MDFIC: variants seen among roughly 807,000 people sequenced by gnomAD.
The protein encoded by MDFIC is myoD family inhibitor domain-containing protein.
MDFIC carries 17 observed loss-of-function variants against 23.2 expected under a neutral mutation model. The ratio of observed to expected loss-of-function variants is 0.73; its 90% confidence interval spans 0.50 to 1.10. MDFIC has a LOEUF of 1.10. Among genes scored for constraint, MDFIC ranks in the 50% least tolerant of loss-of-function variants. The pLI is 0.00. For synonymous variants in MDFIC, 120 were observed against 115.2 expected, an observed-to-expected ratio of 1.04 and a Z score of -0.27; for missense variants, 356 against 316.6, an observed-to-expected ratio of 1.12 and a Z score of -0.95.
intron 3 of MDFIC, among the ~76,000 whole-genome samples, chr7:114,967,927 C>G (rs1793135460): frequency 6.7e-6 from 1 of 149,972 alleles, no homozygotes. Context: ...CTCCCAGTCT[C>G]AAGTGATTCT....
chr7:115,014,912 A>G (rs1791763791), intron 4 of MDFIC, among the ~76,000 whole-genome samples: 1 of 152,144 alleles, frequency 6.6e-6, no homozygotes, highest in African/African-American at 2.4e-5. Flanking sequence ...TTGTTTAGAG[A>G]GGCATTACAT....
intron 4 of MDFIC, among the ~76,000 whole-genome samples, chr7:114,998,728 C>T (rs1791396773): frequency 6.6e-6 from 1 of 152,152 alleles, no homozygotes; most frequent in South Asian, 2.1e-4. Context: ...TTTTTGTGTG[C>T]TTCCATCTCT....
intron 3 of MDFIC, among the ~76,000 whole-genome samples, chr7:114,956,007 C>T (rs1457792181): frequency 6.6e-6 from 1 of 152,036 alleles, no homozygotes; most frequent in African/African-American, 2.4e-5. Context: ...CAGCATACAC[C>T]CTTAACCCTA....
At chr7:114,996,373 A>G (rs1326749179) in intron 4 of MDFIC, among the ~76,000 whole-genome samples, 7 of 152,176 alleles carry the variant, frequency 4.6e-5, no homozygotes, top group Admixed American at 4.6e-4. Flanking sequence ...GGGATTAAGG[A>G]TGACTCCAAG....
At chr7:114,953,512 T>A (rs1468967384) in intron 3 of MDFIC, among the ~76,000 whole-genome samples, 1 of 152,216 alleles carries the variant, frequency 6.6e-6, no homozygotes, top group Non-Finnish European at 1.5e-5. Flanking sequence ...TGAAGGGATG[T>A]TGATATTATA....
chr7:114,942,493 G>A (rs1414370731), intron 3 of MDFIC, 96 bp downstream of exon 3: 10 of 963,602 alleles, frequency 1.0e-5, no homozygotes, highest in African/African-American at 3.4e-5. Flanking sequence ...CTACAAATCC[G>A]TAAATCAACA....
At chr7:114,931,144 CA>C (rs1792301046) in intron 2 of MDFIC, among the ~76,000 whole-genome samples, 1 of 152,160 alleles carries the variant, frequency 6.6e-6, no homozygotes, top group Non-Finnish European at 1.5e-5. Context: ...CTACTTTTTA[CA>C]TTAGCCTACA....
chr7:114,938,333 A>G (rs1351697736), intron 2 of MDFIC, among the ~76,000 whole-genome samples: 1 of 152,244 alleles, frequency 6.6e-6, no homozygotes, highest in Non-Finnish European at 1.5e-5. Flanking sequence ...GATTAGATAC[A>G]AATCTATTTT....
chr7:114,982,930 A>C (rs1793443032), intron 4 of MDFIC, among the ~76,000 whole-genome samples: 1 of 152,202 alleles, frequency 6.6e-6, no homozygotes, highest in East Asian at 1.9e-4. Context: ...CAAAAACTGC[A>C]TGAAGCCTCT....
chr7:114,996,531 G>C (rs1213345420), intron 4 of MDFIC, among the ~76,000 whole-genome samples: 1 of 152,178 alleles, frequency 6.6e-6, no homozygotes, highest in African/African-American at 2.4e-5. Flanking sequence ...TACAAGTGGT[G>C]ATGTGGAGGA....
intron 4 of MDFIC, among the ~76,000 whole-genome samples, chr7:114,985,883 A>G (rs1161428005): frequency 1.3e-5 from 2 of 151,716 alleles, no homozygotes; most frequent in African/African-American, 2.4e-5. Context: ...TCCCATATAT[A>G]CTTTTTTTGA....
At chr7:114,952,705 T>A (rs1177234078) in intron 3 of MDFIC, among the ~76,000 whole-genome samples, 3 of 151,542 alleles carry the variant, frequency 2.0e-5, no homozygotes, top group Non-Finnish European at 1.5e-5. Flanking sequence ...ATTAGAAAAT[T>A]TAAGGAAAAA....
chr7:114,922,953 C>T lies in MDFIC; in HGVS notation c.-81C>T. On this transcript the variant is annotated 5_prime_UTR_variant, in exon 2 of 5. Transcript: ENST00000393486. ...AGCAGTCAGTTCCCTGCACCCAGCA[C>T]CTCACAGCCCTTCCTCCGTGCGCCC... 6.3e-7 allele frequency: 1 copy of T among 1,580,694 alleles called. No individual in the cohort carries two copies. Among genetic ancestry groups the T allele is most frequent in the Non-Finnish European group, 8.6e-7 (1 of 1,164,398 alleles).
intron 2 of MDFIC, among the ~76,000 whole-genome samples, chr7:114,940,077 T>A (rs1792508357): frequency 6.6e-6 from 1 of 152,202 alleles, no homozygotes; most frequent in Non-Finnish European, 1.5e-5. Context: ...AGATTTTAAT[T>A]GAAACTAACA....
At chr7:114,960,404 TG>T (rs1792966492) in intron 3 of MDFIC, among the ~76,000 whole-genome samples, 1 of 152,128 alleles carries the variant, frequency 6.6e-6, no homozygotes, top group Non-Finnish European at 1.5e-5. Flanking sequence ...GCTTGACCCC[TG>T]GATCCTCTCA....
chr7:114,928,998 A>G (rs1249423133), intron 2 of MDFIC, among the ~76,000 whole-genome samples: 2 of 152,022 alleles, frequency 1.3e-5, no homozygotes, highest in Non-Finnish European at 2.9e-5. Context: ...CACAGTGTCC[A>G]CATTTTGATG....
At position 114,980,699 on chromosome 7, in the gene MDFIC, A is replaced by T. The variant is rs538970169; in HGVS notation, c.493+918A>T. Among the ~76,000 whole-genome samples, 5 of 152,256 alleles carry T rather than the reference A, an allele frequency of 3.3e-5. No individual in the cohort carries two copies. The South Asian group carries it at 1.0e-3, about 32-fold the overall frequency. ...GTCTTGAATCTGTTATATGTATCTG[A>T]TATACATATATTTCTCCTTATTCCC... On this transcript the variant is annotated intron_variant, in intron 4 of 4. Transcript: ENST00000393486.
intron 4 of MDFIC, among the ~76,000 whole-genome samples, chr7:114,984,290 CTG>C (rs1277607354): frequency 6.6e-5 from 10 of 152,234 alleles, no homozygotes; most frequent in Non-Finnish European, 5.9e-5. Context: ...TCCTACTAGA[CTG>C]TGAATTCCTG....
chr7:114,939,043 T>C (rs1442712166), intron 2 of MDFIC, among the ~76,000 whole-genome samples: 1 of 152,208 alleles, frequency 6.6e-6, no homozygotes, highest in African/African-American at 2.4e-5. Context: ...CAATTATCTA[T>C]CAATAAATCC....
Sources: gnomAD v4.1 joint callset for allele counts (sites outside exome capture counted in the v4.1 genomes callset) on GRCh38, gnomAD v4.1.1 for gene constraint, MANE v1.5 for transcripts, NCBI Gene and HGNC (gene_info 2026-07-23, HGNC 2026-07-21) for gene names.